Variants in PHF3 observed in about 807,000 individuals in gnomAD.
PHF3 encodes PHD finger protein 3.
A neutral mutation model predicts 178.4 loss-of-function variants in PHF3; 41 were observed. The ratio of observed to expected loss-of-function variants is 0.23; its 90% CI spans 0.18 to 0.30. The LOEUF (loss-of-function observed/expected upper bound fraction) is 0.30. Among genes scored for constraint, PHF3 ranks in the 10% least tolerant of loss-of-function variants. The pLI, the probability that PHF3 is intolerant of heterozygous loss-of-function variation, is 1.00. For synonymous variants in PHF3, 842 were observed against 800.5 expected (o/e 1.05, Z -0.88); for missense variants, 2,346 against 2,398.1 (o/e 0.98, Z 0.45).
chr6:63,653,234 T>G (rs1765096647), intron 2 of PHF3, among the ~76,000 whole-genome samples: 1 of 151,822 alleles, frequency 6.6e-6, no homozygotes, highest in Non-Finnish European at 1.5e-5. Context: ...TAAATATTGT[T>G]ACTGGTATTT....
Position 63,720,617 on chromosome 6 carries a change from A to C in PHF3, c.*6909A>C, listed in dbSNP as rs374161234. On this transcript the variant is annotated 3_prime_UTR_variant, in exon 16 of 16. Coordinates refer to ENST00000262043, the MANE Select transcript of PHF3 (RefSeq NM_001370348.2). ...TAACTTATGTAACCTCATTTTGTTCATCTCCATCATAAACATTGTATCCTT... is the reference window on the plus strand; with the variant it reads ...TAACTTATGTAACCTCATTTTGTTCCTCTCCATCATAAACATTGTATCCTT... 104 of 1,493,528 alleles carry C rather than the reference A, an allele frequency of 7.0e-5. No homozygotes were observed. The East Asian group carries it at 1.6e-3, about 22-fold the overall frequency. 92.5% of individuals were successfully genotyped at this position (1,493,528 alleles called of 1,614,324 possible). A position where few individuals can be genotyped will look rare whatever the true frequency, so the allele number is the denominator to read the frequency against.
At chr6:63,680,516 G>A (rs1766389421) in intron 3 of PHF3, among the ~76,000 whole-genome samples, 1 of 147,432 alleles carries the variant, frequency 6.8e-6, no homozygotes, top group South Asian at 2.1e-4. Context: ...TTCCCACTGT[G>A]GATGGTTTTC....
intron 11 of PHF3, 69 bp from the exon 12 acceptor site, chr6:63,705,960 A>G (rs1306272127): frequency 1.1e-5 from 13 of 1,231,512 alleles, no homozygotes; most frequent in African/African-American, 3.0e-5. Flanking sequence ...AACTTTAGAA[A>G]GTGAAAATGG....
chr6:63,712,716 G>A lies in PHF3; in HGVS notation c.5128G>A (p.Val1710Ile), dbSNP rs780588707. 8.5e-5 allele frequency: 137 copies of A among 1,613,810 alleles called. No individual in the cohort carries two copies. The highest frequency in any genetic ancestry group is 9.7e-5 in the Non-Finnish European group (114 of 1,179,960). The change falls in exon 16 of 16, where the codon GTT (valine) becomes ATT (isoleucine). Residue 1710 changes from valine (V) to isoleucine (I), a missense_variant. By Grantham distance (29) the Val-to-Ile change is conservative. Around this residue, in one of 8 missense-constraint regions of PHF3, gnomAD observed 839 missense variants for 806.9 expected, o/e 1.04. Coordinates refer to ENST00000262043, the MANE Select transcript of PHF3 (RefSeq NM_001370348.2). ...KLCSAEKNSC[V>I]QQSDNLKVAQ... ...GTGTTCTGCAGAGAAAAACTCGTGTGTTCAGCAGAGTGACAATTTAAAAGT... is the reference window on the plus strand; with the variant it reads ...GTGTTCTGCAGAGAAAAACTCGTGTATTCAGCAGAGTGACAATTTAAAAGT...
Position 63,715,373 on chromosome 6 carries a change from A to G in PHF3, c.*1665A>G, listed in dbSNP as rs1049403145. Reference sequence around the variant, plus strand: ...TTAGTTCCCAAACAAAACAAAATCTAAGTTATAATTTGCACCATTACAAAG... The same window carrying G: ...TTAGTTCCCAAACAAAACAAAATCTGAGTTATAATTTGCACCATTACAAAG... On this transcript the variant is annotated 3_prime_UTR_variant, in exon 16 of 16. Coordinates refer to ENST00000262043, the MANE Select transcript of PHF3 (RefSeq NM_001370348.2). 2.0e-5 allele frequency: 3 copies of G among 152,158 alleles called. No individual in the cohort carries two copies. The highest frequency in any genetic ancestry group is 4.4e-5 in the Non-Finnish European group (3 of 68,018). The allele number at this position is 152,158 out of a possible 1,614,324, so 9.4% of individuals were successfully genotyped here.
Position 63,725,213 on chromosome 6 carries a change from A to G in PHF3, c.*11505A>G, listed in dbSNP as rs981080665. Among the ~76,000 whole-genome samples, 14 of 152,268 alleles carry G rather than the reference A, an allele frequency of 9.2e-5. No homozygotes were observed. Among genetic ancestry groups the G allele is most frequent in the Non-Finnish European group, 1.9e-4 (13 of 67,968 alleles). ...GTAAGTAGTGTCTGATGGCATAAAA[A>G]AGGAAACTCTTGATTGTCTTGAACT... On this transcript the variant is annotated 3_prime_UTR_variant, in exon 16 of 16. Coordinates refer to ENST00000262043, the MANE Select transcript of PHF3 (RefSeq NM_001370348.2).
In PHF3 at chr6:63,725,148, G is replaced by A. The variant is rs73441045; in HGVS notation, c.*11440G>A. 2.0e-5 allele frequency among the ~76,000 whole-genome samples: 3 copies of A among 152,166 alleles called. No individual in the cohort carries two copies. Among genetic ancestry groups the A allele is most frequent in the African/African-American group, 7.2e-5 (3 of 41,546 alleles). ...ATTTTCATGATTTTCTTATATAAGT[G>A]TCAAATGCAGCATCAATCGTGTGAA... On this transcript the variant is annotated 3_prime_UTR_variant, in exon 16 of 16. Transcript: ENST00000262043.
At chr6:63,663,561 T>C (rs76760015) in intron 2 of PHF3, among the ~76,000 whole-genome samples, 2,367 of 152,286 alleles carry the variant, frequency 0.016, 51 homozygotes, top group South Asian at 0.089. Flanking sequence ...GACTTTATAT[T>C]ATTTTCCTAG....
At position 63,722,894 on chromosome 6, in the gene PHF3, CAT is replaced by C; in HGVS notation, c.*9188_*9189del. On this transcript the variant is annotated 3_prime_UTR_variant, in exon 16 of 16. Transcript: ENST00000262043. ...CTACGTTCTCTAGCTTTATTTTCCT[CAT>C]AGGGAATTTTTAGTGAGTATACTAT... Among the ~76,000 whole-genome samples, 1 of 152,298 alleles carries C rather than the reference CAT, an allele frequency of 6.6e-6. No individual in the cohort carries two copies. Among genetic ancestry groups the C allele is most frequent in the Admixed American group, 6.5e-5 (1 of 15,300 alleles).
chr6:63,679,970 A>G, intron 2 of PHF3, 30 bp from the exon 3 acceptor site: 1 of 1,587,650 alleles, frequency 6.3e-7, no homozygotes, highest in Non-Finnish European at 8.6e-7. Context: ...AATATTTTTA[A>G]AAGTTAATTT....
At position 63,715,309 on chromosome 6, in the gene PHF3, C is replaced by G. The variant is rs536995058; in HGVS notation, c.*1601C>G. On this transcript the variant is annotated 3_prime_UTR_variant, in exon 16 of 16. Transcript: ENST00000262043. ...TAAATAAAGCCCGTTTAACTTTGGT[C>G]CACTTTTCTTTTGGAAATTAACTTG... 3.3e-5 allele frequency: 5 copies of G among 152,190 alleles called. No homozygotes were observed. The South Asian group carries it at 1.0e-3, about 32-fold the overall frequency. The allele number at this position is 152,190 out of a possible 1,614,324, so 9.4% of individuals were successfully genotyped here.
rs1244961254 is a variant in PHF3 at position 63,685,486 on chromosome 6, T to C, written c.1764T>C (p.Ile588=). The change falls in exon 4 of 16, where the codon ATT becomes ATC. Residue 588 remains isoleucine, a synonymous_variant. Coordinates refer to ENST00000262043, the MANE Select transcript of PHF3 (RefSeq NM_001370348.2). The part of the protein sequence containing the change: ...KTLQDQTLVQ[I]FKPLTHSLSD... The stretch of plus-strand genomic sequence containing the variant: ...TACAGGATCAAACTTTAGTACAAAT[T>C]TTCAAGCCCTTAACTCATTCTTTGA... 8 of 1,613,978 alleles carry C rather than the reference T, an allele frequency of 5.0e-6. No homozygotes were observed. The African/African-American group carries it at 1.1e-4, about 22-fold the overall frequency.
chr6:63,677,688 A>G (rs1323665572), intron 2 of PHF3, among the ~76,000 whole-genome samples: 2 of 152,138 alleles, frequency 1.3e-5, no homozygotes, highest in Non-Finnish European at 2.9e-5. Flanking sequence ...ATACATGCTC[A>G]TTATAGAAAA....
At chr6:63,645,901 G>A (rs1365651738) in intron 1 of PHF3, among the ~76,000 whole-genome samples, 3 of 152,058 alleles carry the variant, frequency 2.0e-5, no homozygotes, top group African/African-American at 4.8e-5. Context: ...GTGTGTTTGT[G>A]CACATCTTTG....
chr6:63,693,307 C>T (rs969474315), intron 5 of PHF3, among the ~76,000 whole-genome samples: 3 of 152,188 alleles, frequency 2.0e-5, no homozygotes, highest in Admixed American at 1.3e-4. Flanking sequence ...TGAGTTGTCT[C>T]TGTCTTGCTT....
chr6:63,685,551 C>G lies in PHF3; in HGVS notation c.1829C>G (p.Pro610Arg). The G allele has an allele frequency of 6.2e-7, 1 of 1,614,070 alleles. No individual in the cohort carries two copies. Among genetic ancestry groups the G allele is most frequent in the South Asian group, 1.1e-5 (1 of 91,070 alleles). The change falls in exon 4 of 16, where the codon CCT becomes CGT. Residue 610 changes from proline to arginine, a missense_variant. Physicochemically the swap from Pro to Arg is moderately radical, Grantham distance 103. Coordinates refer to ENST00000262043, the MANE Select transcript of PHF3 (RefSeq NM_001370348.2). ...SHAHPGCLKE[P>R]HHPAQTGHVS... ...GCTCATCCTGGTTGCTTGAAAGAACCTCATCATCCTGCACAAACTGGACAT... is the reference window on the plus strand; with the variant it reads ...GCTCATCCTGGTTGCTTGAAAGAACGTCATCATCCTGCACAAACTGGACAT...
chr6:63,712,983 A>C lies in PHF3; in HGVS notation c.5395A>C (p.Arg1799=), dbSNP rs1768025458. 1 of 1,613,922 alleles carries C rather than the reference A, an allele frequency of 6.2e-7. No individual in the cohort carries two copies. The highest frequency in any genetic ancestry group is 1.7e-5 in the Admixed American group (1 of 59,974). The change falls in exon 16 of 16, where the codon AGG becomes CGG. Residue 1799 remains arginine, a synonymous_variant. Transcript: ENST00000262043. ...PRTSTNFSPM[R]PQQPNLQHLK... ...AACAAGTACAAACTTTTCACCCATG[A>C]GGCCACAGCAGCCCAACCTTCAGCA...
chr6:63,691,846 G>A lies in PHF3; in HGVS notation c.2299G>A (p.Val767Ile), dbSNP rs1166088334. Residue 767 changes from valine to isoleucine, a missense_variant, in exon 5 of 16, where the codon GTA becomes ATA. Coordinates refer to ENST00000262043, the MANE Select transcript of PHF3 (RefSeq NM_001370348.2). ...CGAGGAAGACAAAGAATATGTCTGT[G>A]TAAAATGTTGTGCTGAAGAAGACAA... is the stretch of plus-strand genomic sequence containing the variant. ...MGEEDKEYVC[V>I]KCCAEEDKKT... The A allele has an allele frequency of 1.2e-6, 2 of 1,613,786 alleles. No homozygotes were observed. Among genetic ancestry groups the A allele is most frequent in the South Asian group, 1.1e-5 (1 of 91,072 alleles).
chr6:63,685,600 G>A lies in PHF3; in HGVS notation c.1878G>A (p.Gln626=). The A allele has an allele frequency of 1.2e-6, 2 of 1,614,032 alleles. No homozygotes were observed. Among genetic ancestry groups the A allele is most frequent in the South Asian group, 1.1e-5 (1 of 91,072 alleles). ...TGHVSHSSQK[Q]CHKPQQQAPA... ...ATGTATCACATTCTAGCCAGAAACA[G>A]TGTCATAAGCCTCAGCAACAGGCCC... is the stretch of plus-strand genomic sequence containing the variant. The change falls in exon 4 of 16, where the codon CAG becomes CAA. Residue 626 remains glutamine (Q), a synonymous_variant. Transcript: ENST00000262043.
Sources: allele counts gnomAD v4.1 joint callset (sites outside exome capture counted in the v4.1 genomes callset), GRCh38; gene constraint gnomAD v4.1.1; regional missense constraint gnomAD v4.1.1; transcripts MANE v1.5; gene names NCBI Gene and HGNC (gene_info 2026-07-23, HGNC 2026-07-21).